The following ARMH1 variants were observed in gnomAD, a reference collection of about 807,000 sequenced individuals.
ARMH1 encodes armadillo-like helical domain containing protein 1.
Under a neutral mutation model 50.2 loss-of-function variants are expected in ARMH1, and 34 were observed. That is an observed-to-expected ratio of 0.68 (90% CI 0.51 to 0.90). ARMH1 has a LOEUF of 0.90. Ranked by LOEUF, ARMH1 falls within the 40% of genes least tolerant of loss-of-function variation. The pLI, the probability that ARMH1 is intolerant of heterozygous loss-of-function variation, is 0.00. For synonymous variants in ARMH1, 221 were observed against 224.2 expected (o/e 0.99, Z 0.13); for missense variants, 538 against 553.9 (o/e 0.97, Z 0.29).
intron 6 of ARMH1, among the ~76,000 whole-genome samples, chr1:44,722,375 A>T (rs1647408797): frequency 1.3e-5 from 2 of 151,994 alleles, no homozygotes; most frequent in African/African-American, 4.8e-5. Context: ...ACGACAGAGT[A>T]AGACCTTGTC....
At chr1:44,690,944 C>T (rs1180393483) in intron 2 of ARMH1, among the ~76,000 whole-genome samples, 2 of 152,032 alleles carry the variant, frequency 1.3e-5, no homozygotes, top group African/African-American at 4.8e-5. Context: ...TAAGACACCG[C>T]GCCCAGTGAA....
rs150753800 is a variant in ARMH1, at chr1:44,721,619, C to T, written c.725-2503C>T. Among the ~76,000 whole-genome samples, 625 of 152,140 alleles carry T rather than the reference C, an allele frequency of 4.1e-3. 4 individuals carry two copies. The highest frequency in any genetic ancestry group is 0.014 in the African/African-American group (591 of 41,476). The stretch of plus-strand genomic sequence containing the variant: ...CAAAAAGTACACAAAATTAGACAGG[C>T]TTATGAGGCTGAGGTGGGAGGATTG... On this transcript the variant is annotated intron_variant, in intron 6 of 11. Coordinates refer to ENST00000535358, the MANE Select transcript of ARMH1 (RefSeq NM_001145636.2).
intron 6 of ARMH1, among the ~76,000 whole-genome samples, chr1:44,704,873 C>T (rs2148683198): frequency 7.3e-6 from 1 of 136,922 alleles, no homozygotes; most frequent in South Asian, 2.4e-4. Context: ...CTCGCTCTGT[C>T]ATCCAGGCTG....
chr1:44,724,672 C>A lies in ARMH1; in HGVS notation c.1050+4C>A, dbSNP rs1465438347. 2 of 1,485,826 alleles carry A rather than the reference C, an allele frequency of 1.3e-6. No individual in the cohort carries two copies. The highest frequency in any genetic ancestry group is 2.4e-5 in the Admixed American group (1 of 41,634). 92.0% of individuals were successfully genotyped at this position (1,485,826 alleles called of 1,614,324 possible). On this transcript the variant is annotated splice_donor_region_variant and intron_variant, in intron 9 of 11. Coordinates refer to ENST00000535358, the MANE Select transcript of ARMH1 (RefSeq NM_001145636.2). This position sits in a 1 kb window ranked among gnomAD's most constrained non-coding sequence, Gnocchi z 6.4. ...GCTGGCCAGCCTCACGCTGGAGGTG[C>A]GCGCGGCGGCTGGTTAGGGGGCGGG...
In ARMH1 at chr1:44,697,095, C is replaced by T; in HGVS notation, c.207-7C>T. The T allele has an allele frequency of 1.1e-5, 17 of 1,550,002 alleles. No individual in the cohort carries two copies. Among genetic ancestry groups the T allele is most frequent in the Non-Finnish European group, 1.5e-5 (17 of 1,145,070 alleles). On this transcript the variant is annotated splice_polypyrimidine_tract_variant and splice_region_variant and intron_variant, in intron 2 of 11. Coordinates refer to ENST00000535358, the MANE Select transcript of ARMH1 (RefSeq NM_001145636.2). ...CCCTGAAACTCACTCTTTAACGTGTCATACAGCTATATGACTGACTCATGT... is the reference window on the plus strand; with the variant it reads ...CCCTGAAACTCACTCTTTAACGTGTTATACAGCTATATGACTGACTCATGT...
rs1339259274 is a variant in ARMH1, at chr1:44,697,118, T to C, written c.223T>C (p.Cys75Arg). ...GTCATACAGCTATATGACTGACTCA[T>C]GTTTAGAAAAGCTTCTCAGGTCCAT... ...SLRITYMTDSCLEKLLRSIGI... is the reference protein window; with the variant it reads ...SLRITYMTDSRLEKLLRSIGI... Residue 75 changes from cysteine to arginine, a missense_variant, in exon 3 of 12, where the codon TGT becomes CGT. Physicochemically the swap from Cys to Arg is radical, Grantham distance 180. Coordinates refer to ENST00000535358, the MANE Select transcript of ARMH1 (RefSeq NM_001145636.2). The C allele has an allele frequency of 6.4e-7, 1 of 1,552,066 alleles. No individual in the cohort carries two copies. The highest frequency in any genetic ancestry group is 1.2e-5 in the South Asian group (1 of 84,050).
At chr1:44,699,738 C>T (rs1645975909) in intron 4 of ARMH1, among the ~76,000 whole-genome samples, 1 of 152,132 alleles carries the variant, frequency 6.6e-6, no homozygotes, top group Non-Finnish European at 1.5e-5. Context: ...AGGCATGAGT[C>T]ACCGCACCCT....
At chr1:44,717,718 A>G (rs1573474287) in intron 6 of ARMH1, among the ~76,000 whole-genome samples, 1 of 152,264 alleles carries the variant, frequency 6.6e-6, no homozygotes, top group East Asian at 1.9e-4. Context: ...AAATGAATGA[A>G]TCAATGAATA....
At position 44,724,187 on chromosome 1, in the gene ARMH1, G is replaced by A; in HGVS notation, c.790G>A (p.Ala264Thr). The change falls in exon 7 of 12, where the codon GCG becomes ACG. Residue 264 changes from alanine to threonine, a missense_variant. Coordinates refer to ENST00000535358, the MANE Select transcript of ARMH1 (RefSeq NM_001145636.2). This position sits in a 1 kb window ranked among gnomAD's most constrained non-coding sequence, Gnocchi z 6.4. ...VRQALLKGLV[A>T]LLIPSVKEIS... ...CCAGGCGCTGCTCAAGGGCCTCGTG[G>A]CGCTGCTGATACCGTCGGTCAAGGA... The A allele has an allele frequency of 6.4e-7, 1 of 1,551,732 alleles. No homozygotes were observed. The highest frequency in any genetic ancestry group is 8.7e-7 in the Non-Finnish European group (1 of 1,146,988).
intron 2 of ARMH1, among the ~76,000 whole-genome samples, chr1:44,695,592 C>T (rs1366662486): frequency 2.0e-5 from 3 of 152,048 alleles, no homozygotes; most frequent in African/African-American, 7.2e-5. Flanking sequence ...AAGTTCAAAA[C>T]CAGCCTGGGC....
chr1:44,721,636 G>T (rs757142210), intron 6 of ARMH1: 4 of 152,168 alleles, frequency 2.6e-5, no homozygotes, highest in East Asian at 1.9e-4. Flanking sequence ...GGCTGAGGTG[G>T]GAGGATTGCT....
Position 44,724,281 on chromosome 1 carries a change from G to A in ARMH1, c.847+37G>A. 6.4e-7 allele frequency: 1 copy of A among 1,550,960 alleles called. No homozygotes were observed. Among genetic ancestry groups the A allele is most frequent in the African/African-American group, 1.4e-5 (1 of 73,160 alleles). On this transcript the variant is annotated intron_variant, in intron 7 of 11. Transcript: ENST00000535358. This position sits in a 1 kb window ranked among gnomAD's most constrained non-coding sequence, Gnocchi z 6.4. ...CTCAAATGGGGCTGCCTGGGCCACG[G>A]GAGGGCGGTCTCTTGCCTCACGGCT...
chr1:44,712,687 G>A (rs1181788390), intron 6 of ARMH1, among the ~76,000 whole-genome samples: 1 of 147,008 alleles, frequency 6.8e-6, no homozygotes, highest in Admixed American at 6.7e-5. Context: ...TTTTTGAGAT[G>A]GAGTCTTGCT....
At position 44,724,689 on chromosome 1, in the gene ARMH1, G is replaced by A; in HGVS notation, c.1050+21G>A. ...TGGAGGTGCGCGCGGCGGCTGGTTA[G>A]GGGGCGGGAAGGGCGGCGGCACCCG... On this transcript the variant is annotated intron_variant, in intron 9 of 11. Transcript: ENST00000535358. The surrounding 1 kb of genome is among the most constrained non-coding windows in gnomAD (Gnocchi z 6.4). The A allele has an allele frequency of 6.7e-7, 1 of 1,484,398 alleles. No homozygotes were observed. Among genetic ancestry groups the A allele is most frequent in the Non-Finnish European group, 8.9e-7 (1 of 1,124,412 alleles). The allele number at this position is 1,484,398 out of a possible 1,614,324, so 92.0% of individuals were successfully genotyped here.
At position 44,724,214 on chromosome 1, in the gene ARMH1, A is replaced by G. The variant is rs1573526429; in HGVS notation, c.817A>G (p.Ile273Val). ...GCTGCTGATACCGTCGGTCAAGGAGATCTCCAAACTGCAGGCCAAGATCCT... is the reference window on the plus strand; with the variant it reads ...GCTGCTGATACCGTCGGTCAAGGAGGTCTCCAAACTGCAGGCCAAGATCCT... Reference protein sequence around the residue: ...VALLIPSVKEISKLQAKILSD... With the variant: ...VALLIPSVKEVSKLQAKILSD... Residue 273 changes from isoleucine to valine, a missense_variant, in exon 7 of 12, where the codon ATC becomes GTC. Transcript: ENST00000535358. This position sits in a 1 kb window ranked among gnomAD's most constrained non-coding sequence, Gnocchi z 6.4. The G allele has an allele frequency of 8.4e-6, 13 of 1,551,590 alleles. No individual in the cohort carries two copies. The highest frequency in any genetic ancestry group is 1.0e-5 in the Non-Finnish European group (12 of 1,146,952).
chr1:44,675,705 A>G (rs1359675628), intron 1 of ARMH1, among the ~76,000 whole-genome samples: 1 of 151,108 alleles, frequency 6.6e-6, no homozygotes, highest in African/African-American at 2.4e-5. Flanking sequence ...CACCCCTGTA[A>G]TCCCAGCACT....
At chr1:44,680,218 C>T (rs1645263302) in intron 1 of ARMH1, among the ~76,000 whole-genome samples, 1 of 152,144 alleles carries the variant, frequency 6.6e-6, no homozygotes. Context: ...ACTCTGTCAC[C>T]CAGGCTGGAG....
rs1415718977 is a variant in ARMH1, at chr1:44,699,302, A to AT, written c.442+1073_442+1074insT. 1.3e-3 allele frequency among the ~76,000 whole-genome samples: 204 copies of AT among 151,592 alleles called. 1 individual carries two copies. Among genetic ancestry groups the AT allele is most frequent in the African/African-American group, 4.7e-3 (194 of 41,370 alleles). On this transcript the variant is annotated intron_variant, in intron 4 of 11. Transcript: ENST00000535358. ...CCGTCTCAAAAAAAAAAAAAAAAAA[A>AT]AGGAAATAAAATAAATTTGAAATAA...
At chr1:44,692,512 A>T (rs1332499306) in intron 2 of ARMH1, among the ~76,000 whole-genome samples, 3 of 152,090 alleles carry the variant, frequency 2.0e-5, no homozygotes, top group Non-Finnish European at 4.4e-5. Flanking sequence ...ACTTATCTTT[A>T]TATTTCTAAC....
Sources: allele counts gnomAD v4.1 joint callset (sites outside exome capture counted in the v4.1 genomes callset), GRCh38; gene constraint gnomAD v4.1.1; non-coding constraint Gnocchi (gnomAD v3.1); transcripts MANE v1.5; gene names NCBI Gene and HGNC (gene_info 2026-07-23, HGNC 2026-07-21).